ZBTB7C: variants seen among roughly 807,000 people sequenced by gnomAD.
The protein encoded by ZBTB7C is zinc finger and BTB domain-containing protein 7C.
ZBTB7C carries 8 observed loss-of-function variants against 25.7 expected under a neutral mutation model. The observed-to-expected ratio is 0.31, with a 90% CI of 0.18 to 0.56. The LOEUF is 0.56. Among genes scored for constraint, ZBTB7C ranks in the 20% least tolerant of loss-of-function variants. ZBTB7C has a pLI of 0.91. For synonymous variants in ZBTB7C, 394 were observed against 369.0 expected, an observed-to-expected ratio of 1.07 and a Z score of -0.78; for missense variants, 824 against 855.2, an observed-to-expected ratio of 0.96 and a Z score of 0.46.
At chr18:48,097,114 C>T (rs1282277493) in intron 3 of ZBTB7C, among the ~76,000 whole-genome samples, 3 of 152,202 alleles carry the variant, frequency 2.0e-5, no homozygotes, top group African/African-American at 4.8e-5. Context: ...ATAGGGTTCC[C>T]CTAGTTATAA....
chr18:48,282,314 G>T (rs1473392969), intron 2 of ZBTB7C, among the ~76,000 whole-genome samples: 1 of 112,000 alleles, frequency 8.9e-6, no homozygotes, highest in African/African-American at 3.6e-5. Context: ...CCTGTTGTGG[G>T]GTGGGGGGAG....
chr18:48,345,244 G>A (rs1485213261), intron 1 of ZBTB7C, among the ~76,000 whole-genome samples: 2 of 152,222 alleles, frequency 1.3e-5, no homozygotes, highest in Non-Finnish European at 2.9e-5. Context: ...TGCAGTAGGT[G>A]TGCACTGGAC....
At chr18:48,275,926 C>A (rs541247164) in intron 2 of ZBTB7C, among the ~76,000 whole-genome samples, 2 of 152,286 alleles carry the variant, frequency 1.3e-5, no homozygotes, top group East Asian at 1.9e-4. Context: ...TCCCCAAAGG[C>A]AAATTTGATT....
chr18:48,410,473 G>T (rs944463062), upstream of ZBTB7C, among the ~76,000 whole-genome samples: 2 of 152,142 alleles, frequency 1.3e-5, no homozygotes, highest in Non-Finnish European at 2.9e-5. Flanking sequence ...GCCGGGCCCC[G>T]CCCCCTCGGA....
intron 3 of ZBTB7C, among the ~76,000 whole-genome samples, chr18:48,156,879 T>C (rs575849707): frequency 4.6e-5 from 7 of 151,948 alleles, no homozygotes; most frequent in South Asian, 4.2e-4. Context: ...GAGACCAGGA[T>C]TGGGGATGGA....
chr18:48,397,274 C>G (rs1030251442), intron 1 of ZBTB7C, among the ~76,000 whole-genome samples: 5 of 152,160 alleles, frequency 3.3e-5, no homozygotes, highest in African/African-American at 1.2e-4. Flanking sequence ...CATGCCTGAC[C>G]CCCTTAACCA....
chr18:48,302,041 C>T (rs1318620949), intron 2 of ZBTB7C, among the ~76,000 whole-genome samples: 2 of 152,146 alleles, frequency 1.3e-5, no homozygotes, highest in African/African-American at 4.8e-5. Flanking sequence ...AAGCCCACAC[C>T]CAGCCCCACG....
chr18:48,093,289 C>T (rs558654540), intron 3 of ZBTB7C, among the ~76,000 whole-genome samples: 4 of 152,280 alleles, frequency 2.6e-5, no homozygotes, highest in South Asian at 2.1e-4. Context: ...GCCTCAAGCT[C>T]GCTCTAGCCC....
intron 1 of ZBTB7C, among the ~76,000 whole-genome samples, chr18:48,347,124 G>GTTT (rs1158209713): frequency 4.4e-3 from 355 of 80,330 alleles, no homozygotes; most frequent in African/African-American, 5.8e-3. Flanking sequence ...GTTTTTGTTT[G>GTTT]TTTTTTTTTT....
chr18:48,397,836 T>C (rs560930125), intron 1 of ZBTB7C, among the ~76,000 whole-genome samples: 1 of 152,368 alleles, frequency 6.6e-6, no homozygotes, highest in East Asian at 1.9e-4. Flanking sequence ...AGACCACGTC[T>C]TGGGCTTCTC....
intron 3 of ZBTB7C, among the ~76,000 whole-genome samples, chr18:48,127,805 A>C (rs947853851): frequency 1.3e-5 from 2 of 152,210 alleles, no homozygotes; most frequent in Non-Finnish European, 2.9e-5. Context: ...GGTGCGCCAC[A>C]GGAGTGGGAG....
At chr18:48,126,501 G>A (rs2039805009) in intron 3 of ZBTB7C, among the ~76,000 whole-genome samples, 1 of 152,210 alleles carries the variant, frequency 6.6e-6, no homozygotes, top group Non-Finnish European at 1.5e-5. Flanking sequence ...CTTCCACAGT[G>A]TGTTGCTTAG....
chr18:48,053,729 G>A (rs2036791188), intron 3 of ZBTB7C, among the ~76,000 whole-genome samples: 2 of 152,170 alleles, frequency 1.3e-5, no homozygotes, highest in Non-Finnish European at 2.9e-5. Flanking sequence ...GAGAAACATG[G>A]ATGAAAGAGA....
At chr18:48,291,201 T>C (rs1424205063) in intron 2 of ZBTB7C, among the ~76,000 whole-genome samples, 1 of 152,176 alleles carries the variant, frequency 6.6e-6, no homozygotes, top group East Asian at 1.9e-4. Context: ...CCTTTAGCCA[T>C]GAAGCAGCCA....
chr18:48,070,650 G>C (rs2037509242), intron 3 of ZBTB7C, among the ~76,000 whole-genome samples: 2 of 152,206 alleles, frequency 1.3e-5, no homozygotes, highest in Non-Finnish European at 2.9e-5. Context: ...CCCATTCATT[G>C]CTCCCTTAAA....
At chr18:48,176,506 A>G (rs2041681812) in intron 3 of ZBTB7C, among the ~76,000 whole-genome samples, 2 of 152,226 alleles carry the variant, frequency 1.3e-5, no homozygotes, top group South Asian at 4.1e-4. Context: ...TAAATGTTAA[A>G]TGTATTGGTC....
At chr18:48,230,554 C>T (rs2043223702) in intron 2 of ZBTB7C, among the ~76,000 whole-genome samples, 1 of 152,128 alleles carries the variant, frequency 6.6e-6, no homozygotes, top group African/African-American at 2.4e-5. Context: ...GATTTTTGGC[C>T]ATAATTGGTG....
At chr18:48,205,726 T>G (rs919866506) in intron 2 of ZBTB7C, among the ~76,000 whole-genome samples, 1 of 152,016 alleles carries the variant, frequency 6.6e-6, no homozygotes, top group Non-Finnish European at 1.5e-5. Context: ...TTGGCGAGGA[T>G]GTATAACAAC....
intron 3 of ZBTB7C, among the ~76,000 whole-genome samples, chr18:48,105,973 A>C (rs983536710): frequency 3.3e-5 from 5 of 152,250 alleles, no homozygotes; most frequent in Admixed American, 3.3e-4. Context: ...AGAACCAAAT[A>C]ATGCTACTAC....
Sources: gnomAD v4.1 joint callset for allele counts (sites outside exome capture counted in the v4.1 genomes callset) on GRCh38, gnomAD v4.1.1 for gene constraint, MANE v1.5 for transcripts, NCBI Gene and HGNC (gene_info 2026-07-23, HGNC 2026-07-21) for gene names.